PRKAR1A: variants seen among roughly 807,000 people sequenced by gnomAD.
The protein encoded by PRKAR1A is cAMP-dependent protein kinase type I-alpha regulatory subunit.
PRKAR1A carries 3 observed loss-of-function variants against 52.0 expected under a neutral mutation model. The observed-to-expected ratio is 0.06, with a 90% CI of 0.03 to 0.15. The LOEUF is 0.15. Ranked by LOEUF, PRKAR1A falls within the 10% of genes least tolerant of loss-of-function variation. The pLI, the probability that PRKAR1A is intolerant of heterozygous loss-of-function variation, is 1.00. For synonymous variants in PRKAR1A, 188 were observed against 168.4 expected, an observed-to-expected ratio of 1.12 and a Z score of -0.90; for missense variants, 240 against 477.4, an observed-to-expected ratio of 0.50 and a Z score of 4.63.
chr17:68,436,275 C>T, the PRKAR1A span: 1 of 967,026 alleles, frequency 1.0e-6, no homozygotes, highest in Non-Finnish European at 1.7e-6. Flanking sequence ...GTATTGCTTA[C>T]TCCCACCGCC....
chr17:68,529,123 C>G (rs2085885529), intron 9 of PRKAR1A, 132 bp downstream of exon 9: 1 of 1,050,146 alleles, frequency 9.5e-7, no homozygotes, highest in African/African-American at 1.6e-5. Context: ...TTTAAGAATA[C>G]CTGACCATTT....
At chr17:68,540,820 C>G in intron 11 of PRKAR1A, 2 of 1,572,044 alleles carry the variant, frequency 1.3e-6, no homozygotes, top group Non-Finnish European at 8.6e-7. Flanking sequence ...GAGCCCACTT[C>G]TGCTGGGGGC....
At chr17:68,437,195 A>G in the PRKAR1A span, among the ~76,000 whole-genome samples, 2 of 152,060 alleles carry the variant, frequency 1.3e-5, no homozygotes, top group Non-Finnish European at 2.9e-5. Flanking sequence ...TCTGCAGATG[A>G]TTATATACTG....
chr17:68,526,835 G>A (rs2085806997), intron 7 of PRKAR1A, among the ~76,000 whole-genome samples: 1 of 152,096 alleles, frequency 6.6e-6, no homozygotes, highest in South Asian at 2.1e-4. Flanking sequence ...TATTACCTGG[G>A]CAACAAAATT....
chr17:68,541,024 C>T, intron 11 of PRKAR1A: 2 of 1,547,132 alleles, frequency 1.3e-6, no homozygotes, highest in Middle Eastern at 4.6e-4. Flanking sequence ...GGTCTCCCCA[C>T]ACCTCCCCCT....
the PRKAR1A span, chr17:68,457,333 G>T: frequency 6.5e-7 from 1 of 1,544,514 alleles, no homozygotes; most frequent in Non-Finnish European, 8.7e-7. Flanking sequence ...GGGCCGAGTC[G>T]CAGCTTACGT....
upstream of PRKAR1A, among the ~76,000 whole-genome samples, chr17:68,508,539 G>A (rs566022612): frequency 3.0e-4 from 46 of 152,188 alleles, no homozygotes; most frequent in South Asian, 1.9e-3. Flanking sequence ...AGGGGGAGTC[G>A]GGGAGCAAGG....
At chr17:68,418,005 CAGGCG>C in the PRKAR1A span, among the ~76,000 whole-genome samples, 4 of 152,046 alleles carry the variant, frequency 2.6e-5, no homozygotes, top group African/African-American at 9.7e-5. Context: ...GCTGGGATTA[CAGGCG>C]TGAGCCACCA....
At chr17:68,414,661 T>TTTG in the PRKAR1A span, among the ~76,000 whole-genome samples, 4,119 of 152,122 alleles carry the variant, frequency 0.027, 182 homozygotes, top group African/African-American at 0.093. Context: ...GTCCTAGACT[T>TTTG]TTGTTGTTGT....
the PRKAR1A span, among the ~76,000 whole-genome samples, chr17:68,468,168 T>C: frequency 5.3e-5 from 8 of 152,288 alleles, no homozygotes; most frequent in African/African-American, 1.9e-4. Flanking sequence ...ATGCAGATGA[T>C]ACAGAAAAAT....
the PRKAR1A span, among the ~76,000 whole-genome samples, chr17:68,429,749 C>T: frequency 2.6e-5 from 4 of 152,036 alleles, no homozygotes; most frequent in Non-Finnish European, 2.9e-5. Flanking sequence ...CCACCATACC[C>T]GGCTAATTTT....
the PRKAR1A span, among the ~76,000 whole-genome samples, chr17:68,465,625 ATTTTTTTT>A: frequency 4.7e-3 from 313 of 67,198 alleles, 6 homozygotes; most frequent in South Asian, 0.032. Context: ...ACGCCCAGCA[ATTTTTTTT>A]TTTTTTTTTT....
At chr17:68,433,785 T>TTTG in the PRKAR1A span, among the ~76,000 whole-genome samples, 2 of 88,324 alleles carry the variant, frequency 2.3e-5, no homozygotes, top group African/African-American at 7.7e-5. Flanking sequence ...TTTTTTTTTT[T>TTTG]TTTTTTTTTT....
chr17:68,486,427 TC>T, the PRKAR1A span, among the ~76,000 whole-genome samples: 4 of 151,298 alleles, frequency 2.6e-5, no homozygotes, highest in African/African-American at 9.7e-5. Context: ...CTTCCTTCTT[TC>T]TTTTCCTTCC....
downstream of PRKAR1A, chr17:68,537,144 T>G: frequency 2.0e-6 from 1 of 507,114 alleles, no homozygotes; most frequent in South Asian, 1.5e-5. The surrounding 1 kb of genome is among the most constrained non-coding windows in gnomAD (Gnocchi z 4.2). Flanking sequence ...TCCTTTTATT[T>G]GACTTGTTAC....
intron 11 of PRKAR1A, among the ~76,000 whole-genome samples, chr17:68,547,549 C>T (rs1319004562): frequency 1.3e-5 from 2 of 152,190 alleles, no homozygotes; most frequent in East Asian, 3.8e-4. Context: ...TACTGCTTCA[C>T]CTTGTACTTT....
At chr17:68,426,252 G>GGGGGGGTGGT in the PRKAR1A span, 1 of 828,188 alleles carries the variant, frequency 1.2e-6, no homozygotes, top group Non-Finnish European at 1.9e-6. Context: ...TGGGGAGCGG[G>GGGGGGGTGGT]GGCTCAAATA....
intron 7 of PRKAR1A, among the ~76,000 whole-genome samples, chr17:68,526,525 A>T (rs2085796266): frequency 6.6e-6 from 1 of 152,226 alleles, no homozygotes. Context: ...CCATCTGACC[A>T]TTTGAAAATG....
chr17:68,532,341 A>T lies in PRKAR1A; in HGVS notation c.*1892A>T. On this transcript the variant is annotated 3_prime_UTR_variant, in exon 11 of 11. Transcript: ENST00000589228. ...TTCATGTATGTATATAATCATGCTC[A>T]TGTATATTTAGTTACGTATAATGCT... 9.5e-7 allele frequency: 1 copy of T among 1,054,916 alleles called. No individual in the cohort carries two copies. The highest frequency in any genetic ancestry group is 1.1e-6 in the Non-Finnish European group (1 of 869,618). The allele number at this position is 1,054,916 out of a possible 1,614,324, so 65.3% of individuals were successfully genotyped here.
Sources: gnomAD v4.1 joint callset for allele counts (sites outside exome capture counted in the v4.1 genomes callset) on GRCh38, gnomAD v4.1.1 for gene constraint, Gnocchi (gnomAD v3.1) non-coding constraint, MANE v1.5 for transcripts, NCBI Gene and HGNC (gene_info 2026-07-23, HGNC 2026-07-21) for gene names.